EBF2: variants seen among roughly 807,000 people sequenced by gnomAD.
EBF2 encodes the protein EBF transcription factor 2.
EBF2 carries 21 observed loss-of-function variants against 72.8 expected under a neutral mutation model. That is an observed-to-expected ratio of 0.29 (90% CI 0.20 to 0.42). The LOEUF is 0.42. EBF2 is among the 10% of genes least tolerant of loss of function. EBF2 has a pLI of 1.00. For synonymous variants in EBF2, 299 were observed against 274.2 expected, an observed-to-expected ratio of 1.09 and a Z score of -0.89; for missense variants, 637 against 731.2, an observed-to-expected ratio of 0.87 and a Z score of 1.49.
chr8:25,888,012 A>G lies in EBF2; in HGVS notation c.752-40T>C, dbSNP rs1373451639. On this transcript the variant is annotated intron_variant, in intron 8 of 15. Coordinates refer to ENST00000520164, the MANE Select transcript of EBF2 (RefSeq NM_022659.4). Reference sequence around the variant, plus strand: ...AAGAAAAAGTCAGGTTTGTTCTTTCATGGGTGTCCAACTTTTTGGCTTCCC... The same window carrying G: ...AAGAAAAAGTCAGGTTTGTTCTTTCGTGGGTGTCCAACTTTTTGGCTTCCC... 14 of 1,557,952 alleles carry G rather than the reference A, an allele frequency of 9.0e-6. No individual in the cohort carries two copies. In the African/African-American group the frequency reaches 1.8e-4, roughly 20 times the overall value.
At chr8:25,962,544 TAA>T (rs542805714) in intron 6 of EBF2, among the ~76,000 whole-genome samples, 2 of 143,728 alleles carry the variant, frequency 1.4e-5, no homozygotes, top group Non-Finnish European at 1.5e-5. Context: ...TGACCAAAAT[TAA>T]AAAAAAAAAA....
intron 6 of EBF2, among the ~76,000 whole-genome samples, chr8:25,931,563 C>T (rs890780815): frequency 3.3e-5 from 5 of 152,178 alleles, no homozygotes; most frequent in African/African-American, 1.2e-4. Context: ...AAATTTGTCA[C>T]CTAGCTAATA....
chr8:25,993,592 C>T (rs1317684081), intron 6 of EBF2, among the ~76,000 whole-genome samples: 2 of 152,192 alleles, frequency 1.3e-5, no homozygotes, highest in Non-Finnish European at 2.9e-5. Context: ...CTGCTACACT[C>T]TGTCTCAAGC....
At chr8:25,847,071 C>G (rs909537184) in intron 15 of EBF2, among the ~76,000 whole-genome samples, 1 of 152,192 alleles carries the variant, frequency 6.6e-6, no homozygotes, top group Admixed American at 6.5e-5. Context: ...AGTCATCAGA[C>G]TTTTCCTGTG....
intron 6 of EBF2, among the ~76,000 whole-genome samples, chr8:26,025,041 A>G (rs1181300691): frequency 6.6e-6 from 1 of 152,190 alleles, no homozygotes; most frequent in African/African-American, 2.4e-5. Context: ...TCACTACAAG[A>G]ACTAATATCT....
intron 9 of EBF2, among the ~76,000 whole-genome samples, chr8:25,887,322 C>G (rs1032410127): frequency 1.3e-5 from 2 of 152,176 alleles, no homozygotes; most frequent in Non-Finnish European, 2.9e-5. Flanking sequence ...ATTGATCTGG[C>G]AAGTGCCAAC....
At chr8:25,870,858 G>A (rs936671898) in intron 10 of EBF2, among the ~76,000 whole-genome samples, 1 of 151,908 alleles carries the variant, frequency 6.6e-6, no homozygotes, top group African/African-American at 2.4e-5. Flanking sequence ...ATAAACTATG[G>A]GATACATCTC....
At chr8:25,957,330 C>T (rs1429513447) in intron 6 of EBF2, among the ~76,000 whole-genome samples, 1 of 152,176 alleles carries the variant, frequency 6.6e-6, no homozygotes, top group Non-Finnish European at 1.5e-5. Context: ...AACAAAGGCT[C>T]TAAAATACAC....
chr8:25,865,091 G>A (rs1034546394), intron 10 of EBF2, among the ~76,000 whole-genome samples: 6 of 152,016 alleles, frequency 3.9e-5, no homozygotes, highest in South Asian at 2.1e-4. Flanking sequence ...GTGAGCCACC[G>A]CACCCGGCCT....
chr8:26,001,156 G>A (rs756115324), intron 6 of EBF2, among the ~76,000 whole-genome samples: 18 of 152,290 alleles, frequency 1.2e-4, no homozygotes, highest in East Asian at 7.7e-4. Flanking sequence ...GCTTGGCAAT[G>A]GCTCACTGGG....
At chr8:25,851,065 C>T (rs769924953) in intron 14 of EBF2, among the ~76,000 whole-genome samples, 2 of 151,932 alleles carry the variant, frequency 1.3e-5, no homozygotes, top group Non-Finnish European at 2.9e-5. Context: ...GATGTTAGCA[C>T]AGGTCTTCAT....
intron 15 of EBF2, among the ~76,000 whole-genome samples, chr8:25,845,674 C>A (rs984736246): frequency 6.6e-6 from 1 of 152,190 alleles, no homozygotes; most frequent in African/African-American, 2.4e-5. Context: ...AGCACCAGCA[C>A]AATGTGGAAA....
At chr8:25,982,119 T>C (rs1181211723) in intron 6 of EBF2, among the ~76,000 whole-genome samples, 1 of 152,192 alleles carries the variant, frequency 6.6e-6, no homozygotes, top group Non-Finnish European at 1.5e-5. Flanking sequence ...TGGATTGGGA[T>C]GGGCATTTTT....
chr8:25,953,292 T>C (rs1411483170), intron 6 of EBF2, among the ~76,000 whole-genome samples: 1 of 152,226 alleles, frequency 6.6e-6, no homozygotes, highest in Non-Finnish European at 1.5e-5. Context: ...CTTCAATGGC[T>C]GGCACACAAC....
At chr8:25,955,749 G>A (rs893899219) in intron 6 of EBF2, among the ~76,000 whole-genome samples, 4 of 149,968 alleles carry the variant, frequency 2.7e-5, no homozygotes, top group Non-Finnish European at 5.9e-5. Flanking sequence ...CCTAACTGCA[G>A]TTGTGTCTAG....
chr8:25,877,963 A>G (rs17054526), intron 10 of EBF2, among the ~76,000 whole-genome samples: 13,875 of 152,254 alleles, frequency 0.091, 716 homozygotes, highest in Middle Eastern at 0.16. Context: ...GGTGCCAAGC[A>G]TAATTCTTAT....
chr8:25,882,329 TAATAAG>T (rs756455802), intron 10 of EBF2, among the ~76,000 whole-genome samples: 1 of 152,090 alleles, frequency 6.6e-6, no homozygotes, highest in Non-Finnish European at 1.5e-5. Flanking sequence ...ATTTCAGTAA[TAATAAG>T]AATAATATAA....
At chr8:25,910,789 C>G (rs996740043) in intron 6 of EBF2, among the ~76,000 whole-genome samples, 1 of 151,724 alleles carries the variant, frequency 6.6e-6, no homozygotes, top group Non-Finnish European at 1.5e-5. Flanking sequence ...ACTGGGTTCA[C>G]GAAGGAGAAG....
At chr8:25,949,529 C>T (rs893602625) in intron 6 of EBF2, among the ~76,000 whole-genome samples, 2 of 152,092 alleles carry the variant, frequency 1.3e-5, no homozygotes, top group Non-Finnish European at 2.9e-5. Flanking sequence ...GCTCAAAAGT[C>T]GCCCACCAAA....
Sources: allele counts gnomAD v4.1 joint callset (sites outside exome capture counted in the v4.1 genomes callset), GRCh38; gene constraint gnomAD v4.1.1; transcripts MANE v1.5; gene names NCBI Gene and HGNC (gene_info 2026-07-23, HGNC 2026-07-21).